The following WRAP73 variants were observed in gnomAD, a reference collection of about 807,000 sequenced individuals.
WRAP73 encodes the protein WD repeat containing, antisense to TP73.
WRAP73 carries 55 observed loss-of-function variants against 59.6 expected under a neutral mutation model. That is an observed-to-expected ratio of 0.92 (90% CI 0.74 to 1.15). WRAP73 has a LOEUF of 1.15. Ranked by LOEUF, WRAP73 falls within the 50% of genes most tolerant of loss-of-function variation. The probability of loss-of-function intolerance (pLI) is 0.00; values close to 1 mark genes in which losing one functional copy is unlikely to be tolerated. For missense variants in WRAP73, 592 were observed against 608.1 expected, an observed-to-expected ratio of 0.97 and a Z score of 0.28; for synonymous variants, 265 against 258.2, an observed-to-expected ratio of 1.03 and a Z score of -0.25.
At chr1:3,635,415 G>A (rs745781839) in intron 6 of WRAP73, 121 bp from the exon 7 acceptor site, 32 of 1,378,734 alleles carry the variant, frequency 2.3e-5, no homozygotes, top group Middle Eastern at 2.4e-4. Flanking sequence ...GACTGTCCGC[G>A]TGGCCGTGGA....
intron 5 of WRAP73, 155 bp from the exon 6 acceptor site, chr1:3,636,185 T>C: frequency 1.6e-6 from 1 of 637,938 alleles, no homozygotes; most frequent in Non-Finnish European, 2.7e-6. Context: ...GAAATCCCTG[T>C]AGAGCTGCTG....
chr1:3,649,877 G>C, intron 1 of WRAP73, 54 bp downstream of exon 1: 1 of 1,543,742 alleles, frequency 6.5e-7, no homozygotes, highest in Non-Finnish European at 8.7e-7. Flanking sequence ...CCTGCCCGCC[G>C]GGGACGCTGG....
intron 9 of WRAP73, 123 bp downstream of exon 9, chr1:3,633,275 T>A: frequency 1.1e-6 from 1 of 905,816 alleles, no homozygotes; most frequent in East Asian, 2.4e-5. Context: ...GCACACTGGC[T>A]GGAAGCATGG....
rs774325760 is a variant in WRAP73, at chr1:3,646,695, G to A, written c.310C>T (p.Arg104Cys). Residue 104 changes from arginine to cysteine, a missense_variant, in exon 3 of 12, where the codon CGC (arginine) becomes TGC (cysteine). By Grantham distance (180) the Arg-to-Cys change is radical (BLOSUM62 -3). Transcript: ENST00000270708. The surrounding 1 kb of genome is among the most constrained non-coding windows in gnomAD (Gnocchi z 5.1). ...AATTCCGTGGTGTTGAGAATGTGGCGCCCGTCCGGGCTCCAGCACGAGGCC... is the reference window on the plus strand; with the variant it reads ...AATTCCGTGGTGTTGAGAATGTGGCACCCGTCCGGGCTCCAGCACGAGGCC... ...LVASCWSPDG[R>C]HILNTTEFHL... 6 of 1,605,020 alleles carry A rather than the reference G, an allele frequency of 3.7e-6. No homozygotes were observed. Among genetic ancestry groups the A allele is most frequent in the East Asian group, 2.2e-5 (1 of 44,588 alleles).
chr1:3,645,446 C>T (rs1179734641), intron 3 of WRAP73, among the ~76,000 whole-genome samples: 1 of 104,452 alleles, frequency 9.6e-6, no homozygotes, highest in Admixed American at 9.8e-5. Context: ...CGGGTTGCCC[C>T]GTGGTGTGCG....
At chr1:3,648,598 C>G (rs1644712448) in intron 1 of WRAP73, among the ~76,000 whole-genome samples, 1 of 152,178 alleles carries the variant, frequency 6.6e-6, no homozygotes, top group Non-Finnish European at 1.5e-5. Flanking sequence ...GATATGAAAA[C>G]TAGAAACATG....
Position 3,638,828 on chromosome 1 carries a change from G to T in WRAP73, c.340-6C>A, listed in dbSNP as rs745341571. ...GACCAGACGGTTATCCGCAGCTGTT[G>T]GGGGAAAGGGGAAAGAGAAAGGAAA... On this transcript the variant is annotated splice_region_variant and splice_polypyrimidine_tract_variant and intron_variant, in intron 3 of 11. Coordinates refer to ENST00000270708, the MANE Select transcript of WRAP73 (RefSeq NM_017818.4). 3.7e-6 allele frequency: 6 copies of T among 1,613,784 alleles called. No individual in the cohort carries two copies. The highest frequency in any genetic ancestry group is 8.5e-7 in the Non-Finnish European group (1 of 1,179,796).
chr1:3,632,447 T>C (rs1478369056), intron 9 of WRAP73, 109 bp from the exon 10 acceptor site: 19 of 1,567,230 alleles, frequency 1.2e-5, no homozygotes, highest in Non-Finnish European at 1.7e-5. Context: ...GCTCCTCTGT[T>C]CAAAGGGGAG....
chr1:3,637,526 A>T (rs1352757658), intron 4 of WRAP73, among the ~76,000 whole-genome samples: 1 of 152,220 alleles, frequency 6.6e-6, no homozygotes, highest in African/African-American at 2.4e-5. Flanking sequence ...GAATTTAATT[A>T]TTTGGAAGAA....
Position 3,630,978 on chromosome 1 carries a change from C to T in WRAP73, c.1380G>A (p.Thr460=), listed in dbSNP as rs149516397. 2.4e-5 allele frequency: 39 copies of T among 1,612,540 alleles called. No individual in the cohort carries two copies. The highest frequency in any genetic ancestry group is 4.5e-5 in the East Asian group (2 of 44,900). ...TGCACACGTTAGTGCACCGCTGCTA[C>T]GTGTGGCCGCCCAGCTGTCTGCAGG... is the stretch of plus-strand genomic sequence containing the variant. ...GTACRQLGGH[T] is the part of the protein sequence containing the mutation. The change falls in exon 12 of 12, where the codon ACG becomes ACA. Residue 460 remains threonine, a synonymous_variant. Coordinates refer to ENST00000270708, the MANE Select transcript of WRAP73 (RefSeq NM_017818.4).
At chr1:3,643,259 A>C (rs912717695) in intron 3 of WRAP73, among the ~76,000 whole-genome samples, 2 of 152,242 alleles carry the variant, frequency 1.3e-5, no homozygotes, top group Non-Finnish European at 2.9e-5. Flanking sequence ...CACAGCAAGC[A>C]ATGTGGTGTT....
At chr1:3,635,791 A>G (rs1644583943) in intron 6 of WRAP73, 153 bp downstream of exon 6, 1 of 676,144 alleles carries the variant, frequency 1.5e-6, no homozygotes, top group African/African-American at 1.8e-5. Flanking sequence ...ACTGCACTCC[A>G]GCCTGGGTGA....
chr1:3,632,931 C>A (rs1644552710), intron 9 of WRAP73: 1 of 222,132 alleles, frequency 4.5e-6, no homozygotes, highest in African/African-American at 2.4e-5. Flanking sequence ...GCCCTCATGC[C>A]CCTGTGGGAT....
At position 3,650,005 on chromosome 1, in the gene WRAP73, C is replaced by T; in HGVS notation, c.-6G>A. On this transcript the variant is annotated 5_prime_UTR_variant, in exon 1 of 12. Transcript: ENST00000270708. The stretch of plus-strand genomic sequence containing the variant: ...AATACCTCGGAGAAGTTCATGGCCG[C>T]CGCCTGCCGCGGGCGCCACCCTGCG... 1 of 1,585,434 alleles carries T rather than the reference C, an allele frequency of 6.3e-7. No homozygotes were observed. Among genetic ancestry groups the T allele is most frequent in the Middle Eastern group, 1.7e-4 (1 of 5,890 alleles).
At chr1:3,631,228 G>A in intron 11 of WRAP73, 111 bp from the exon 12 acceptor site, 1 of 1,525,612 alleles carries the variant, frequency 6.6e-7, no homozygotes, top group Admixed American at 1.9e-5. Context: ...ACCCACATAG[G>A]CAGAGCCAGG....
At chr1:3,634,280 G>A (rs140466276) in intron 8 of WRAP73, 149 of 154,274 alleles carry the variant, frequency 9.7e-4, no homozygotes, top group Middle Eastern at 6.7e-3. Flanking sequence ...TCTGGCATGC[G>A]CAGCCCCAGC....
At position 3,631,985 on chromosome 1, in the gene WRAP73, A is replaced by G. The variant is rs935689009; in HGVS notation, c.1048+228T>C. The G allele has an allele frequency of 4.2e-6, 6 of 1,422,562 alleles. No homozygotes were observed. In the African/African-American group the frequency reaches 4.3e-5, roughly 10 times the overall value. 88.1% of individuals were successfully genotyped at this position (1,422,562 alleles called of 1,614,324 possible). Reference sequence around the variant, plus strand: ...GCTTTCTACTCAGCAGAGTGGAGCAAGTGAGCAGGGTGGAGGCCTCCTGAC... The same window carrying G: ...GCTTTCTACTCAGCAGAGTGGAGCAGGTGAGCAGGGTGGAGGCCTCCTGAC... On this transcript the variant is annotated intron_variant, in intron 10 of 11. Transcript: ENST00000270708.
intron 9 of WRAP73, 156 bp from the exon 10 acceptor site, chr1:3,632,494 G>T: frequency 8.2e-7 from 1 of 1,219,528 alleles, no homozygotes; most frequent in Non-Finnish European, 1.2e-6. Context: ...GCTAAGCAAA[G>T]CCTGGCAGCC....
At chr1:3,636,953 A>G (rs1360128463) in intron 5 of WRAP73, 42 bp downstream of exon 5, 2 of 1,585,674 alleles carry the variant, frequency 1.3e-6, no homozygotes, top group Non-Finnish European at 1.7e-6. Context: ...ATCCCTCCAC[A>G]GTCAGCAGGA....
Sources: allele counts gnomAD v4.1 joint callset (sites outside exome capture counted in the v4.1 genomes callset), GRCh38; gene constraint gnomAD v4.1.1; non-coding constraint Gnocchi (gnomAD v3.1); transcripts MANE v1.5; gene names NCBI Gene and HGNC (gene_info 2026-07-23, HGNC 2026-07-21).